CLVS1: variants seen among roughly 807,000 people sequenced by gnomAD.
The protein encoded by CLVS1 is clavesin-1.
In CLVS1, 10 loss-of-function variants were observed where a neutral mutation model predicts 33.1. The observed-to-expected ratio is 0.30, with a 90% confidence interval of 0.19 to 0.51. CLVS1 has a LOEUF of 0.51. Ranked by LOEUF, CLVS1 falls within the 20% of genes least tolerant of loss-of-function variation. The pLI, the probability that CLVS1 is intolerant of heterozygous loss-of-function variation, is 0.97. For synonymous variants in CLVS1, 163 were observed against 166.1 expected (o/e 0.98, Z 0.14); for missense variants, 343 against 433.4 (o/e 0.79, Z 1.85).
At chr8:61,279,993 T>C (rs887901804) in intron 2 of CLVS1, among the ~76,000 whole-genome samples, 12 of 152,082 alleles carry the variant, frequency 7.9e-5, no homozygotes, top group Admixed American at 3.9e-4. Context: ...TTAAATAAGA[T>C]AAAAAATCAG....
chr8:60,988,694 A>T, the CLVS1 span, among the ~76,000 whole-genome samples: 2 of 151,862 alleles, frequency 1.3e-5, no homozygotes, highest in Non-Finnish European at 2.9e-5. Flanking sequence ...TTAAGAAGGA[A>T]TTTTTTTTTG....
At chr8:61,363,205 A>G (rs1046415657) in intron 2 of CLVS1, among the ~76,000 whole-genome samples, 1 of 152,196 alleles carries the variant, frequency 6.6e-6, no homozygotes, top group Non-Finnish European at 1.5e-5. Flanking sequence ...GTTAAGATAA[A>G]TATAGGCACT....
intron 2 of CLVS1, among the ~76,000 whole-genome samples, chr8:61,160,621 A>AT (rs5891793): frequency 0.045 from 6,816 of 151,418 alleles, 189 homozygotes; most frequent in East Asian, 0.076. Context: ...TTGTTAAGAG[A>AT]TTTTTTTTTT....
At chr8:61,346,505 G>A (rs1304253149) in intron 2 of CLVS1, among the ~76,000 whole-genome samples, 1 of 152,112 alleles carries the variant, frequency 6.6e-6, no homozygotes, top group East Asian at 1.9e-4. Flanking sequence ...TAATAATAAA[G>A]ATTCCCAGCC....
At chr8:61,391,622 G>T (rs1028840904) in intron 3 of CLVS1, among the ~76,000 whole-genome samples, 8 of 152,192 alleles carry the variant, frequency 5.3e-5, no homozygotes, top group Non-Finnish European at 1.0e-4. Context: ...TAACCAAGAA[G>T]ATTAAGCTAA....
At chr8:61,083,010 T>A (rs1377383455) in intron 1 of CLVS1, among the ~76,000 whole-genome samples, 1 of 150,868 alleles carries the variant, frequency 6.6e-6, no homozygotes, top group Non-Finnish European at 1.5e-5. Flanking sequence ...GAAGAAGAAA[T>A]AAAGACGTTC....
chr8:61,432,813 G>T (rs1816164618), intron 3 of CLVS1, among the ~76,000 whole-genome samples: 1 of 152,214 alleles, frequency 6.6e-6, no homozygotes, highest in Non-Finnish European at 1.5e-5. Context: ...ATTCTGCCCA[G>T]GTTGAGGATG....
At position 61,106,931 on chromosome 8, in the gene CLVS1, A is replaced by G. The variant is rs558762351; in HGVS notation, c.-242-24839A>G. On this transcript the variant is annotated intron_variant, in intron 1 of 2. Coordinates refer to the CLVS1 transcript ENST00000522621. ...GAATGAACCAGGAAAGGGTGAACAT[A>G]CAGTTATGAGGTTCCATGTGACAAC... Among the ~76,000 whole-genome samples, 31 of 152,226 alleles carry G rather than the reference A, an allele frequency of 2.0e-4. No individual in the cohort carries two copies. The South Asian group carries it at 6.0e-3, about 30-fold the overall frequency.
chr8:61,357,746 G>C (rs142394228), intron 2 of CLVS1, among the ~76,000 whole-genome samples: 2,090 of 151,672 alleles, frequency 0.014, 63 homozygotes, highest in African/African-American at 0.046. Context: ...TGGCCAAGCT[G>C]GTCTTCAACT....
intron 2 of CLVS1, among the ~76,000 whole-genome samples, chr8:61,308,382 G>A (rs1407824475): frequency 1.3e-5 from 2 of 152,096 alleles, no homozygotes; most frequent in Non-Finnish European, 2.9e-5. Flanking sequence ...GCCCCTGAGT[G>A]GTTAGATGTT....
chr8:61,447,506 T>C (rs1816797723), intron 3 of CLVS1, among the ~76,000 whole-genome samples: 1 of 151,906 alleles, frequency 6.6e-6, no homozygotes, highest in Non-Finnish European at 1.5e-5. Context: ...CTTTTCAAAT[T>C]GTTTTTATTT....
chr8:61,073,906 G>C (rs1271444720), intron 1 of CLVS1, among the ~76,000 whole-genome samples: 3 of 151,410 alleles, frequency 2.0e-5, no homozygotes, highest in East Asian at 3.9e-4. Context: ...CAGCTACTCG[G>C]GATGCTGAGG....
intron 3 of CLVS1, among the ~76,000 whole-genome samples, chr8:61,417,621 C>T (rs1367247709): frequency 6.6e-6 from 1 of 152,182 alleles, no homozygotes; most frequent in Non-Finnish European, 1.5e-5. Context: ...TTAATTTTTA[C>T]TGGCATAAAA....
intron 3 of CLVS1, among the ~76,000 whole-genome samples, chr8:61,428,056 G>C (rs893004090): frequency 6.6e-6 from 1 of 152,202 alleles, no homozygotes; most frequent in Non-Finnish European, 1.5e-5. Context: ...TGATAGTGCT[G>C]TCTTTATTTT....
chr8:61,008,189 A>T, the CLVS1 span, among the ~76,000 whole-genome samples: 5 of 152,050 alleles, frequency 3.3e-5, no homozygotes, highest in African/African-American at 1.2e-4. Flanking sequence ...TCATCCCTGA[A>T]CGCGCAATTA....
At chr8:61,086,965 T>C (rs1805138106) in intron 1 of CLVS1, among the ~76,000 whole-genome samples, 1 of 152,194 alleles carries the variant, frequency 6.6e-6, no homozygotes, top group Non-Finnish European at 1.5e-5. Context: ...TGTGCTGGTA[T>C]AATGCCATTG....
chr8:61,436,586 A>G (rs1816337947), intron 3 of CLVS1, among the ~76,000 whole-genome samples: 1 of 152,144 alleles, frequency 6.6e-6, no homozygotes, highest in Admixed American at 6.6e-5. Flanking sequence ...GGCCTCTAGT[A>G]CACCACATTT....
At chr8:61,011,295 T>C in the CLVS1 span, among the ~76,000 whole-genome samples, 448 of 152,260 alleles carry the variant, frequency 2.9e-3, 7 homozygotes, top group Non-Finnish European at 1.5e-3. Flanking sequence ...CAATTCTTAC[T>C]GTCTCAGGAA....
chr8:61,047,940 A>T, the CLVS1 span, among the ~76,000 whole-genome samples: 1 of 144,286 alleles, frequency 6.9e-6, no homozygotes, highest in Admixed American at 6.8e-5. Flanking sequence ...CTTAAAGTAT[A>T]ATAATAATAA....
Sources: allele counts gnomAD v4.1 joint callset (sites outside exome capture counted in the v4.1 genomes callset), GRCh38; gene constraint gnomAD v4.1.1; transcripts MANE v1.5; gene names NCBI Gene and HGNC (gene_info 2026-07-23, HGNC 2026-07-21).